Variants in SNX29 observed in about 807,000 individuals in gnomAD.
SNX29 encodes sorting nexin-29.
A neutral mutation model predicts 102.1 loss-of-function variants in SNX29; 78 were observed. The observed-to-expected ratio is 0.76, with a 90% CI of 0.64 to 0.92. The LOEUF is 0.92. Ranked by LOEUF, SNX29 falls within the 40% of genes least tolerant of loss-of-function variation. The pLI, the probability that SNX29 is intolerant of heterozygous loss-of-function variation, is 0.00. For synonymous variants in SNX29, 580 were observed against 414.5 expected (o/e 1.40, Z -4.85); for missense variants, 1,280 against 1,061.7 (o/e 1.21, Z -2.86).
At chr16:12,529,076 C>T (rs1266210031) in intron 20 of SNX29, among the ~76,000 whole-genome samples, 2 of 152,240 alleles carry the variant, frequency 1.3e-5, no homozygotes, top group Non-Finnish European at 2.9e-5. Context: ...CTGCACAAAT[C>T]TGAGTTGAAG....
intron 13 of SNX29, among the ~76,000 whole-genome samples, chr16:12,141,125 G>A (rs1337166237): frequency 6.6e-6 from 1 of 152,216 alleles, no homozygotes; most frequent in Admixed American, 6.5e-5. Flanking sequence ...TTCTTTAGAA[G>A]GAGTCCAGAA....
At chr16:12,019,597 TAGATAGATAGATAG>T (rs2056958076) in intron 3 of SNX29, among the ~76,000 whole-genome samples, 1 of 146,578 alleles carries the variant, frequency 6.8e-6, no homozygotes, top group South Asian at 2.1e-4. Flanking sequence ...TATATATAGA[TAGATAGATAGATAG>T]ATAGATAGAT....
intron 18 of SNX29, among the ~76,000 whole-genome samples, chr16:12,439,849 C>T (rs993341533): frequency 1.3e-5 from 2 of 152,220 alleles, no homozygotes; most frequent in African/African-American, 4.8e-5. Context: ...GGGAAGAGCA[C>T]TAACATGCTT....
At chr16:12,377,627 C>T (rs774158277) in intron 16 of SNX29, among the ~76,000 whole-genome samples, 4 of 151,924 alleles carry the variant, frequency 2.6e-5, no homozygotes, top group South Asian at 4.2e-4. Context: ...TGTGTGCGCC[C>T]GGTACGTAGT....
At chr16:12,418,227 C>T (rs1014621041) in intron 18 of SNX29, among the ~76,000 whole-genome samples, 1 of 152,208 alleles carries the variant, frequency 6.6e-6, no homozygotes, top group Non-Finnish European at 1.5e-5. Flanking sequence ...ACAGCCTTAA[C>T]TCTAAATACC....
At chr16:12,095,497 G>C (rs7405338) in intron 11 of SNX29, among the ~76,000 whole-genome samples, 5,919 of 152,190 alleles carry the variant, frequency 0.039, 135 homozygotes, top group Middle Eastern at 0.054. Flanking sequence ...TGAGAGCAGT[G>C]GTCTTTTCTA....
At chr16:11,986,534 AT>A (rs2055634746) in intron 1 of SNX29, among the ~76,000 whole-genome samples, 1 of 152,228 alleles carries the variant, frequency 6.6e-6, no homozygotes. Flanking sequence ...TGCATTTTGC[AT>A]AATTGCATTG....
In SNX29 at chr16:12,528,373, T is replaced by G. The variant is rs76348884; in HGVS notation, c.2318+3532T>G. 2.6e-5 allele frequency among the ~76,000 whole-genome samples: 4 copies of G among 152,204 alleles called. No homozygotes were observed. In the East Asian group the frequency reaches 7.7e-4, roughly 29 times the overall value. ...CACCACGCTCAGCTAATTTTTGTAT[T>G]TTTTATAGTAGAGATGGGGTTTTGC... On this transcript the variant is annotated intron_variant, in intron 20 of 20. Coordinates refer to ENST00000566228, the MANE Select transcript of SNX29 (RefSeq NM_032167.5).
At chr16:12,270,502 G>A (rs1032030390) in intron 14 of SNX29, among the ~76,000 whole-genome samples, 9 of 152,152 alleles carry the variant, frequency 5.9e-5, no homozygotes, top group Non-Finnish European at 1.0e-4. Flanking sequence ...CATGAACTTA[G>A]CCTCATGGGA....
chr16:12,171,959 C>G (rs916216534), intron 13 of SNX29, among the ~76,000 whole-genome samples: 1 of 152,150 alleles, frequency 6.6e-6, no homozygotes, highest in Admixed American at 6.5e-5. Context: ...AGGACATTGA[C>G]GAGGATGCGG....
intron 15 of SNX29, among the ~76,000 whole-genome samples, chr16:12,320,231 G>A (rs1162708702): frequency 1.3e-5 from 2 of 152,146 alleles, no homozygotes; most frequent in African/African-American, 4.8e-5. Flanking sequence ...ATGAGAAGGG[G>A]CCAGGCAGCT....
intron 16 of SNX29, among the ~76,000 whole-genome samples, chr16:12,395,012 TG>T (rs2083668115): frequency 6.6e-6 from 1 of 152,188 alleles, no homozygotes; most frequent in South Asian, 2.1e-4. Flanking sequence ...CCGCCTTACC[TG>T]GGGGTGTGGT....
At chr16:12,558,751 C>G (rs575328564) in intron 20 of SNX29, among the ~76,000 whole-genome samples, 2 of 152,224 alleles carry the variant, frequency 1.3e-5, no homozygotes, top group Non-Finnish European at 2.9e-5. Flanking sequence ...CTGTCCCAGG[C>G]CCATTGGGTG....
chr16:12,148,532 C>T (rs2055161647), intron 13 of SNX29, among the ~76,000 whole-genome samples: 1 of 152,138 alleles, frequency 6.6e-6, no homozygotes, highest in Admixed American at 6.6e-5. Flanking sequence ...CTTGTCCAAT[C>T]TCCCCCTCCC....
intron 8 of SNX29, chr16:12,052,508 C>T (rs748076373): frequency 2.2e-4 from 80 of 364,950 alleles, no homozygotes; most frequent in Admixed American, 4.9e-4. Context: ...TGAGCCACCA[C>T]GCCCAGCCTT....
At chr16:12,319,550 C>A (rs1428681488) in intron 15 of SNX29, among the ~76,000 whole-genome samples, 1 of 152,200 alleles carries the variant, frequency 6.6e-6, no homozygotes, top group Non-Finnish European at 1.5e-5. Flanking sequence ...GTGTTTCCAG[C>A]TGCCATTTGT....
intron 16 of SNX29, among the ~76,000 whole-genome samples, chr16:12,380,921 AC>A (rs2083091787): frequency 2.4e-5 from 2 of 81,762 alleles, no homozygotes; most frequent in African/African-American, 5.4e-5. Flanking sequence ...CCATCCACCC[AC>A]CATCCATCCA....
At chr16:12,492,591 A>G (rs1246358377) in intron 19 of SNX29, among the ~76,000 whole-genome samples, 2 of 152,204 alleles carry the variant, frequency 1.3e-5, no homozygotes, top group African/African-American at 4.8e-5. Flanking sequence ...TGTTTTAGAC[A>G]TGAAGTCCTT....
chr16:12,278,803 A>C (rs889465918), intron 15 of SNX29, among the ~76,000 whole-genome samples: 9 of 152,242 alleles, frequency 5.9e-5, no homozygotes, highest in African/African-American at 2.2e-4. Flanking sequence ...AGAACAGTGC[A>C]CATAAAACAT....
Sources: allele counts gnomAD v4.1 joint callset (sites outside exome capture counted in the v4.1 genomes callset), GRCh38; gene constraint gnomAD v4.1.1; transcripts MANE v1.5; gene names NCBI Gene and HGNC (gene_info 2026-07-23, HGNC 2026-07-21).